Variants in CCSER2 observed in about 807,000 individuals in gnomAD.
CCSER2 encodes serine-rich coiled-coil domain-containing protein 2.
In CCSER2, 46 loss-of-function variants were observed where a neutral mutation model predicts 92.3. The observed-to-expected ratio is 0.50, with a 90% CI of 0.39 to 0.64. The LOEUF (loss-of-function observed/expected upper bound fraction) is 0.64, where lower values mean the gene tolerates loss of function less well. Among genes scored for constraint, CCSER2 ranks in the 30% least tolerant of loss-of-function variants. The pLI, the probability that CCSER2 is intolerant of heterozygous loss-of-function variation, is 0.00. For synonymous variants in CCSER2, 433 were observed against 431.4 expected (o/e 1.00, Z -0.04); for missense variants, 1,244 against 1,238.9 (o/e 1.00, Z -0.06).
chr10:84,389,045 G>T, intron 3 of CCSER2: 1 of 252,418 alleles, frequency 4.0e-6, no homozygotes, highest in Non-Finnish European at 7.7e-6. Flanking sequence ...TAACATGAAT[G>T]CATTACTACC....
intron 6 of CCSER2, among the ~76,000 whole-genome samples, chr10:84,462,747 T>A (rs1383392409): frequency 6.6e-6 from 1 of 152,202 alleles, no homozygotes; most frequent in Non-Finnish European, 1.5e-5. Context: ...CTGCCCTAAA[T>A]ACACATTTAG....
At chr10:84,426,767 G>A (rs1179985801) in intron 5 of CCSER2, among the ~76,000 whole-genome samples, 1 of 152,172 alleles carries the variant, frequency 6.6e-6, no homozygotes, top group Non-Finnish European at 1.5e-5. Context: ...TTGATTCTAA[G>A]ATTCTTTGCA....
chr10:84,466,654 G>A (rs1276217342), intron 7 of CCSER2, among the ~76,000 whole-genome samples: 15 of 150,618 alleles, frequency 1.0e-4, no homozygotes, highest in African/African-American at 3.6e-4. Flanking sequence ...ACAGGCGCCC[G>A]CCGCCACGCC....
At chr10:84,473,019 T>C (rs1255426284) in intron 8 of CCSER2, 1 of 152,228 alleles carries the variant, frequency 6.6e-6, no homozygotes, top group Non-Finnish European at 1.5e-5. Context: ...CTTTTTGTAT[T>C]GATTTGTTGA....
rs142290540 is a variant in CCSER2 at position 84,337,874 on chromosome 10, C to T, written c.-40+9066C>T. ...ATCACATTACTGAATCCACATGTTG[C>T]GAAGGAAAAGGAGCAGGTAGGGGAA... is the stretch of plus-strand genomic sequence containing the variant. On this transcript the variant is annotated intron_variant, in intron 1 of 9. Coordinates refer to ENST00000372088, the MANE Select transcript of CCSER2 (RefSeq NM_001284240.2). 4.3e-4 allele frequency among the ~76,000 whole-genome samples: 66 copies of T among 152,130 alleles called. 1 individual carries two copies. The highest frequency in any genetic ancestry group is 1.5e-3 in the African/African-American group (63 of 41,500).
chr10:84,385,074 A>G (rs1841124255), intron 3 of CCSER2, among the ~76,000 whole-genome samples: 1 of 151,948 alleles, frequency 6.6e-6, no homozygotes, highest in Non-Finnish European at 1.5e-5. Context: ...AGACCTTTAC[A>G]AGGAGAAGTA....
chr10:84,457,556 T>C, intron 6 of CCSER2, among the ~76,000 whole-genome samples: 1 of 116,634 alleles, frequency 8.6e-6, no homozygotes, highest in South Asian at 2.3e-4. Flanking sequence ...ATGTATATTA[T>C]TATATATAAA....
At chr10:84,501,392 T>G (rs1314561469) in intron 9 of CCSER2, among the ~76,000 whole-genome samples, 1 of 152,176 alleles carries the variant, frequency 6.6e-6, no homozygotes. Context: ...AAGCCCCCTT[T>G]TAGCCTGTAT....
At chr10:84,507,498 A>G (rs531511995) in intron 9 of CCSER2, among the ~76,000 whole-genome samples, 1 of 152,316 alleles carries the variant, frequency 6.6e-6, no homozygotes, top group South Asian at 2.1e-4. Flanking sequence ...TGTATTTAAT[A>G]ATAACAATAA....
At chr10:84,471,982 A>G (rs1323739942) in intron 8 of CCSER2, among the ~76,000 whole-genome samples, 1 of 152,114 alleles carries the variant, frequency 6.6e-6, no homozygotes, top group Non-Finnish European at 1.5e-5. Context: ...AAATATACTT[A>G]GATAAATTAT....
At chr10:84,488,789 T>C (rs1298029689) in intron 9 of CCSER2, among the ~76,000 whole-genome samples, 1 of 143,768 alleles carries the variant, frequency 7.0e-6, no homozygotes, top group Non-Finnish European at 1.6e-5. Context: ...GGCTTTTGAA[T>C]GTGTTTGCTC....
At chr10:84,473,630 A>G (rs1846952295) in intron 8 of CCSER2, among the ~76,000 whole-genome samples, 1 of 152,238 alleles carries the variant, frequency 6.6e-6, no homozygotes, top group Non-Finnish European at 1.5e-5. Context: ...TAACAGATAC[A>G]AACCATTTGA....
In CCSER2 at chr10:84,515,012, C is replaced by T. The variant is rs1287878966; in HGVS notation, c.*745C>T. ...ATACCATTTATGTTTGTATTTGTTACTGGGTAAATTTTGGAGCGCTTGAGA... is the reference window on the plus strand; with the variant it reads ...ATACCATTTATGTTTGTATTTGTTATTGGGTAAATTTTGGAGCGCTTGAGA... On this transcript the variant is annotated 3_prime_UTR_variant, in exon 10 of 10. Coordinates refer to ENST00000372088, the MANE Select transcript of CCSER2 (RefSeq NM_001284240.2). The T allele has an allele frequency of 2.0e-5, 3 of 152,532 alleles. No homozygotes were observed. Among genetic ancestry groups the T allele is most frequent in the African/African-American group, 7.2e-5 (3 of 41,414 alleles). 9.4% of individuals were successfully genotyped at this position (152,532 alleles called of 1,614,324 possible).
chr10:84,349,837 A>G (rs1844763423), intron 1 of CCSER2, among the ~76,000 whole-genome samples: 1 of 151,990 alleles, frequency 6.6e-6, no homozygotes, highest in South Asian at 2.1e-4. Context: ...TCCACATAAC[A>G]GCCAGAATGA....
chr10:84,443,634 A>G (rs1844720348), intron 6 of CCSER2, among the ~76,000 whole-genome samples: 1 of 152,174 alleles, frequency 6.6e-6, no homozygotes, highest in African/African-American at 2.4e-5. Flanking sequence ...CCGCAATCCC[A>G]TTACTGGTTA....
chr10:84,380,573 T>A (rs866278941), intron 3 of CCSER2, among the ~76,000 whole-genome samples: 2 of 152,166 alleles, frequency 1.3e-5, no homozygotes, highest in Non-Finnish European at 2.9e-5. Context: ...TAGAGGTATT[T>A]TGTTTACAGA....
chr10:84,476,416 C>T (rs1395734465), intron 8 of CCSER2, among the ~76,000 whole-genome samples: 1 of 141,594 alleles, frequency 7.1e-6, no homozygotes, highest in African/African-American at 2.6e-5. Flanking sequence ...TAGCTTGTCA[C>T]TAAGGGTGAA....
intron 8 of CCSER2, among the ~76,000 whole-genome samples, chr10:84,472,019 TTAG>T (rs762909009): frequency 2.3e-4 from 35 of 151,952 alleles, no homozygotes; most frequent in South Asian, 1.2e-3. Flanking sequence ...TTTAAAGTAA[TTAG>T]TAGGTTGGAA....
At chr10:84,501,270 T>C (rs1848704188) in intron 9 of CCSER2, among the ~76,000 whole-genome samples, 1 of 152,208 alleles carries the variant, frequency 6.6e-6, no homozygotes, top group African/African-American at 2.4e-5. Flanking sequence ...TCAAGTCATC[T>C]GAAATTTCAA....
Sources: gnomAD v4.1 joint callset for allele counts (sites outside exome capture counted in the v4.1 genomes callset) on GRCh38, gnomAD v4.1.1 for gene constraint, MANE v1.5 for transcripts, NCBI Gene and HGNC (gene_info 2026-07-23, HGNC 2026-07-21) for gene names.